The following CGREF1 variants were observed in gnomAD, a reference collection of about 807,000 sequenced individuals.
CGREF1 encodes the protein cell growth regulator with EF hand domain protein 1.
CGREF1 carries 16 observed loss-of-function variants against 17.4 expected under a neutral mutation model. That is an observed-to-expected ratio of 0.92 (90% CI 0.62 to 1.40). The LOEUF (loss-of-function observed/expected upper bound fraction) is 1.40. Among genes scored for constraint, CGREF1 ranks in the 40% most tolerant of loss-of-function variants. CGREF1 has a pLI of 0.00. For missense variants in CGREF1, 296 were observed against 376.4 expected, an observed-to-expected ratio of 0.79 and a Z score of 1.77; for synonymous variants, 142 against 154.6, an observed-to-expected ratio of 0.92 and a Z score of 0.61.
intron 1 of CGREF1, among the ~76,000 whole-genome samples, chr2:27,118,061 A>C (rs1419563397): frequency 1.3e-5 from 2 of 152,076 alleles, no homozygotes; most frequent in Admixed American, 6.6e-5. Context: ...TCTGTCTCCT[A>C]AAGGTTTGGG....
chr2:27,117,735 G>A lies in CGREF1; in HGVS notation c.-12+1111C>T, dbSNP rs567116312. On this transcript the variant is annotated intron_variant, in intron 1 of 5. Coordinates refer to ENST00000402394, the MANE Select transcript of CGREF1 (RefSeq NM_006569.6). ...TTTTTTTTTTTTTTTTTGAGGCGGA[G>A]TCTCGCTCTGTCGCCCAGGCTGGAG... Among the ~76,000 whole-genome samples the A allele has an allele frequency of 3.7e-4, 53 of 144,404 alleles. 1 individual carries two copies. The South Asian group carries it at 6.1e-3, about 17-fold the overall frequency. 94.7% of individuals were successfully genotyped at this position (144,404 alleles called of 152,430 possible).
rs753998225 is a variant in CGREF1, at chr2:27,104,379, T to C, written c.-11-2A>G. 1 of 1,613,568 alleles carries C rather than the reference T, an allele frequency of 6.2e-7. No individual in the cohort carries two copies. Among genetic ancestry groups the C allele is most frequent in the African/African-American group, 1.3e-5 (1 of 74,876 alleles). ...TCAAAGGTAACATCCTTCCTGGAACTGGAACAAGGAAGAGAATCAGGGGTC... is the reference window on the plus strand; with the variant it reads ...TCAAAGGTAACATCCTTCCTGGAACCGGAACAAGGAAGAGAATCAGGGGTC... On this transcript the variant is annotated splice_acceptor_variant, in intron 1 of 5. Transcript: ENST00000402394. LOFTEE classifies it low-confidence loss of function (5UTR_SPLICE).
At chr2:27,109,785 TGAGGCAGGATAATCGCTTGAACCTGG>T (rs1039553310) in intron 1 of CGREF1, among the ~76,000 whole-genome samples, 7 of 145,960 alleles carry the variant, frequency 4.8e-5, no homozygotes, top group African/African-American at 1.8e-4. Flanking sequence ...CTTGGGTGGC[TGAGGCAGGATAATCGCTTGAACCTGG>T]GAGGCGGAGG....
chr2:27,110,584 A>G (rs1412712197), intron 1 of CGREF1: 1 of 151,680 alleles, frequency 6.6e-6, no homozygotes, highest in Non-Finnish European at 1.5e-5. Context: ...AAAAATATAT[A>G]TATACAAAGA....
At chr2:27,104,501 T>C (rs74429515) in intron 1 of CGREF1, 124 bp from the exon 2 acceptor site, 57,316 of 1,551,602 alleles carry the variant, frequency 0.037, 1,256 homozygotes, top group South Asian at 0.057. Flanking sequence ...AAGACAGGAC[T>C]CCTGCTCAGG....
Position 27,100,695 on chromosome 2 carries a change from G to A in CGREF1, c.*579C>T. The A allele has an allele frequency of 9.1e-7, 1 of 1,098,582 alleles. No homozygotes were observed. The highest frequency in any genetic ancestry group is 1.2e-6 in the Non-Finnish European group (1 of 855,730). 68.1% of individuals were successfully genotyped at this position (1,098,582 alleles called of 1,614,324 possible). A position where few individuals can be genotyped will look rare whatever the true frequency, so the allele number is the denominator to read the frequency against. On this transcript the variant is annotated 3_prime_UTR_variant, in exon 6 of 6. Coordinates refer to ENST00000402394, the MANE Select transcript of CGREF1 (RefSeq NM_006569.6). ...TCATCTGTCAAATGGAACCAATTCT[G>A]CTTGGCTACAGAATTATTGTGAGGA...
At chr2:27,118,127 G>A (rs558104250) in intron 1 of CGREF1, among the ~76,000 whole-genome samples, 2 of 152,236 alleles carry the variant, frequency 1.3e-5, no homozygotes, top group Non-Finnish European at 2.9e-5. Context: ...GGTGCTGCTT[G>A]GGTATTTCAG....
chr2:27,110,636 A>G (rs1572900945), intron 1 of CGREF1: 1 of 152,418 alleles, frequency 6.6e-6, no homozygotes, highest in Non-Finnish European at 1.5e-5. Flanking sequence ...GGCAATTTCA[A>G]TTAGGAACAA....
At chr2:27,118,300 T>A (rs576025625) in intron 1 of CGREF1, among the ~76,000 whole-genome samples, 15 of 151,826 alleles carry the variant, frequency 9.9e-5, no homozygotes, top group Admixed American at 2.0e-4. Flanking sequence ...TCCTGTAGAG[T>A]CGAACTGTTG....
intron 1 of CGREF1, among the ~76,000 whole-genome samples, chr2:27,105,550 T>TTTTC (rs1553346745): frequency 1.1e-4 from 16 of 151,546 alleles, no homozygotes; most frequent in African/African-American, 1.5e-4. Context: ...ATTTTTCTTT[T>TTTTC]TTTTCTTTTT....
rs1419578820 is a variant in CGREF1, at chr2:27,102,381, C to T, written c.196G>A (p.Glu66Lys). 3 of 1,614,154 alleles carry T rather than the reference C, an allele frequency of 1.9e-6. 1 individual carries two copies. The highest frequency in any genetic ancestry group is 2.2e-5 in the South Asian group (2 of 91,074). The change falls in exon 4 of 6, where the codon GAG (glutamate) becomes AAG (lysine). Residue 66 changes from glutamate to lysine, a missense_variant. Glu to Lys is a moderately conservative substitution (Grantham distance 56, BLOSUM62 1). Transcript: ENST00000402394. ...KGLGRTEVQL[E>K]HLSREQVLLY... ...TCACCCTGCTCCCGGCTCAGATGCT[C>T]CAGTTGCACTTCTGTCCTTCCTAGT...
rs1315960042 is a variant in CGREF1, at chr2:27,104,380, G to A, written c.-11-3C>T. The A allele has an allele frequency of 5.0e-6, 8 of 1,613,538 alleles. No homozygotes were observed. Among genetic ancestry groups the A allele is most frequent in the Non-Finnish European group, 6.8e-6 (8 of 1,179,838 alleles). On this transcript the variant is annotated splice_polypyrimidine_tract_variant and splice_region_variant and intron_variant, in intron 1 of 5. Transcript: ENST00000402394. Reference sequence around the variant, plus strand: ...CAAAGGTAACATCCTTCCTGGAACTGGAACAAGGAAGAGAATCAGGGGTCG... The same window carrying A: ...CAAAGGTAACATCCTTCCTGGAACTAGAACAAGGAAGAGAATCAGGGGTCG...
intron 1 of CGREF1, among the ~76,000 whole-genome samples, chr2:27,116,925 T>TTC (rs1459569810): frequency 6.4e-5 from 4 of 62,142 alleles, no homozygotes; most frequent in African/African-American, 2.2e-4. Flanking sequence ...CTCTCTCTCT[T>TTC]TTTTTGAGAC....
intron 1 of CGREF1, among the ~76,000 whole-genome samples, chr2:27,108,769 T>C (rs1431330450): frequency 6.6e-6 from 1 of 152,184 alleles, no homozygotes; most frequent in African/African-American, 2.4e-5. Flanking sequence ...TATTCTAGAA[T>C]TCTATTCTCA....
In CGREF1 at chr2:27,101,099, T is replaced by C; in HGVS notation, c.*175A>G. 2 of 1,370,470 alleles carry C rather than the reference T, an allele frequency of 1.5e-6. No homozygotes were observed. The highest frequency in any genetic ancestry group is 1.9e-6 in the Non-Finnish European group (2 of 1,068,772). The allele number at this position is 1,370,470 out of a possible 1,614,324, so 84.9% of individuals were successfully genotyped here. On this transcript the variant is annotated 3_prime_UTR_variant, in exon 6 of 6. Coordinates refer to ENST00000402394, the MANE Select transcript of CGREF1 (RefSeq NM_006569.6). ...GGGATGAATTCATTCAGTTCTTTAT[T>C]GGTAATCTGCCCCTTAACTTAGGGT... is the stretch of plus-strand genomic sequence containing the variant.
At chr2:27,107,785 T>A (rs1364637841) in intron 1 of CGREF1, among the ~76,000 whole-genome samples, 1 of 149,664 alleles carries the variant, frequency 6.7e-6, no homozygotes, top group Admixed American at 6.6e-5. Flanking sequence ...ATACAAAAAA[T>A]TAGCCAGGCG....
At chr2:27,103,228 C>G in intron 2 of CGREF1, 2 of 381,232 alleles carry the variant, frequency 5.2e-6, no homozygotes, top group African/African-American at 2.2e-5. Context: ...TCACAGCTAC[C>G]AGCCCCTGTG....
intron 2 of CGREF1, chr2:27,103,057 AGGGTGTATCT>A: frequency 4.1e-6 from 4 of 985,394 alleles, no homozygotes; most frequent in Non-Finnish European, 4.8e-6. Flanking sequence ...TTTCCAGGAC[AGGGTGTATCT>A]GTTGGTTCTG....
chr2:27,099,901 A>T, downstream of CGREF1: 3 of 1,527,964 alleles, frequency 2.0e-6, no homozygotes, highest in Non-Finnish European at 2.7e-6. Flanking sequence ...TGTTCCCCAC[A>T]GGGAGAGGCT....
Sources: allele counts gnomAD v4.1 joint callset (sites outside exome capture counted in the v4.1 genomes callset), GRCh38; gene constraint gnomAD v4.1.1; transcripts MANE v1.5; gene names NCBI Gene and HGNC (gene_info 2026-07-23, HGNC 2026-07-21).